The following SLIT3 variants were observed in gnomAD, a reference collection of about 807,000 sequenced individuals.
SLIT3 encodes slit guidance ligand 3.
Under a neutral mutation model 184.0 loss-of-function variants are expected in SLIT3, and 68 were observed. The observed-to-expected ratio is 0.37, with a 90% CI of 0.30 to 0.45. The LOEUF (loss-of-function observed/expected upper bound fraction) is 0.45, where lower values mean the gene tolerates loss of function less well. Among genes scored for constraint, SLIT3 ranks in the 20% least tolerant of loss-of-function variants. SLIT3 has a pLI of 1.00. For missense variants in SLIT3, 1,707 were observed against 2,026.0 expected, an observed-to-expected ratio of 0.84 and a Z score of 3.02; for synonymous variants, 831 against 828.6, an observed-to-expected ratio of 1.00 and a Z score of -0.05.
intron 4 of SLIT3, among the ~76,000 whole-genome samples, chr5:169,122,647 G>A (rs751804229): frequency 1.3e-5 from 2 of 152,140 alleles, no homozygotes; most frequent in Admixed American, 6.5e-5. Context: ...TGGTCACAGT[G>A]TCCCTTTATT....
intron 4 of SLIT3, among the ~76,000 whole-genome samples, chr5:169,107,665 C>T (rs892830581): frequency 1.3e-5 from 2 of 152,192 alleles, no homozygotes; most frequent in Admixed American, 1.3e-4. Context: ...TGGAGCCTTT[C>T]AATTCTCCTT....
At chr5:168,884,337 C>T (rs980275326) in intron 4 of SLIT3, among the ~76,000 whole-genome samples, 6 of 150,550 alleles carry the variant, frequency 4.0e-5, no homozygotes, top group Non-Finnish European at 5.9e-5. Flanking sequence ...AGGACTATGG[C>T]GTGGTCGGGG....
intron 4 of SLIT3, among the ~76,000 whole-genome samples, chr5:168,958,197 T>G (rs1759647006): frequency 6.6e-6 from 1 of 152,192 alleles, no homozygotes. Context: ...AAAATCCACT[T>G]AGCACTGAAA....
rs551170862 is a variant in SLIT3 at position 168,902,855 on chromosome 5, T to C, written c.414-19519A>G. On this transcript the variant is annotated intron_variant, in intron 4 of 35. Coordinates refer to ENST00000519560, the MANE Select transcript of SLIT3 (RefSeq NM_003062.4). ...CAGATGAAGGTGACTGTGGTTAGCA[T>C]GGGCAGGGGAGGCTGTTGAATGAGA... Among the ~76,000 whole-genome samples, 325 of 152,248 alleles carry C rather than the reference T, an allele frequency of 2.1e-3. 3 individuals carry two copies. Among genetic ancestry groups the C allele is most frequent in the African/African-American group, 7.5e-3 (312 of 41,542 alleles).
chr5:169,056,648 T>C (rs1438389538), intron 4 of SLIT3, among the ~76,000 whole-genome samples: 1 of 152,196 alleles, frequency 6.6e-6, no homozygotes, highest in East Asian at 1.9e-4. Flanking sequence ...CATTAAATGC[T>C]GGCTTCCAGG....
intron 9 of SLIT3, among the ~76,000 whole-genome samples, chr5:168,797,903 GA>G (rs1426268480): frequency 1.3e-5 from 2 of 152,044 alleles, no homozygotes; most frequent in Non-Finnish European, 2.9e-5. Flanking sequence ...ATATATTTGT[GA>G]AAATGGAGGA....
intron 4 of SLIT3, among the ~76,000 whole-genome samples, chr5:169,137,799 ACG>A (rs1240319473): frequency 4.0e-5 from 6 of 151,794 alleles, no homozygotes; most frequent in African/African-American, 7.3e-5. Context: ...AGAGCCAAAC[ACG>A]CAGTCCCTCA....
chr5:168,779,014 G>A (rs1404610627), intron 12 of SLIT3, among the ~76,000 whole-genome samples: 5 of 152,206 alleles, frequency 3.3e-5, no homozygotes, highest in South Asian at 2.1e-4. Context: ...GAGATGATCC[G>A]ACCAGGTGAA....
chr5:169,223,419 T>A (rs1333482915), intron 3 of SLIT3, among the ~76,000 whole-genome samples: 1 of 152,212 alleles, frequency 6.6e-6, no homozygotes, highest in African/African-American at 2.4e-5. Flanking sequence ...AAGTGAATAA[T>A]TCATGTGCTC....
intron 3 of SLIT3, among the ~76,000 whole-genome samples, chr5:169,215,220 C>T (rs1305443632): frequency 2.6e-5 from 4 of 152,088 alleles, no homozygotes; most frequent in African/African-American, 4.8e-5. Context: ...AGTTCTTGAA[C>T]GTAACTCGCA....
chr5:168,889,203 A>C (rs895667199), intron 4 of SLIT3, among the ~76,000 whole-genome samples: 1 of 152,210 alleles, frequency 6.6e-6, no homozygotes, highest in African/African-American at 2.4e-5. Flanking sequence ...GATTTATCTT[A>C]ATAGGTACAT....
At position 169,069,713 on chromosome 5, in the gene SLIT3, G is replaced by C. The variant is rs576100741; in HGVS notation, c.413+123766C>G. 3.3e-5 allele frequency among the ~76,000 whole-genome samples: 5 copies of C among 152,244 alleles called. No individual in the cohort carries two copies. The South Asian group carries it at 8.3e-4, about 25-fold the overall frequency. ...ATCACCAAGAGGTTTGGTATGAGGA[G>C]AGGAAGTAGGGGAGGGAGAGAGGGG... On this transcript the variant is annotated intron_variant, in intron 4 of 35. Coordinates refer to ENST00000519560, the MANE Select transcript of SLIT3 (RefSeq NM_003062.4).
chr5:168,810,184 T>C (rs1757115583), intron 8 of SLIT3, among the ~76,000 whole-genome samples: 1 of 152,154 alleles, frequency 6.6e-6, no homozygotes, highest in Non-Finnish European at 1.5e-5. Context: ...CCCAGCAAAT[T>C]ATATGACTGT....
intron 4 of SLIT3, among the ~76,000 whole-genome samples, chr5:169,158,172 G>A (rs962341545): frequency 3.3e-5 from 5 of 152,082 alleles, no homozygotes; most frequent in Admixed American, 2.0e-4. Context: ...ATGCCAAGAC[G>A]CACCATAGAA....
intron 1 of SLIT3, among the ~76,000 whole-genome samples, chr5:169,260,945 T>C (rs1455293100): frequency 2.0e-5 from 3 of 152,216 alleles, no homozygotes; most frequent in Non-Finnish European, 4.4e-5. Context: ...AGTAAATAAT[T>C]TGGGTTCTGC....
chr5:168,747,286 T>C (rs1425060671), intron 20 of SLIT3, among the ~76,000 whole-genome samples: 1 of 152,216 alleles, frequency 6.6e-6, no homozygotes, highest in Non-Finnish European at 1.5e-5. Flanking sequence ...TGTAGCATTT[T>C]TCACAGTTGT....
intron 4 of SLIT3, chr5:169,013,531 G>A (rs879703981): frequency 6.6e-6 from 1 of 152,180 alleles, no homozygotes; most frequent in African/African-American, 2.4e-5. Flanking sequence ...CACAGGTTTC[G>A]TTTTTCAAAG....
intron 4 of SLIT3, among the ~76,000 whole-genome samples, chr5:169,002,432 G>A (rs1001616210): frequency 1.4e-5 from 2 of 147,340 alleles, no homozygotes; most frequent in Non-Finnish European, 3.0e-5. Flanking sequence ...ACAATGAAAA[G>A]AATGGTCTGG....
chr5:169,246,629 A>T (rs1765601828), intron 2 of SLIT3, among the ~76,000 whole-genome samples: 1 of 152,194 alleles, frequency 6.6e-6, no homozygotes. Flanking sequence ...TTAGAGGCTT[A>T]AGAAATGTTG....
Sources: allele counts gnomAD v4.1 joint callset (sites outside exome capture counted in the v4.1 genomes callset), GRCh38; gene constraint gnomAD v4.1.1; transcripts MANE v1.5; gene names NCBI Gene and HGNC (gene_info 2026-07-23, HGNC 2026-07-21).